Variants in MCRIP2 observed in about 807,000 individuals in gnomAD.
MCRIP2 encodes the protein MAPK regulated corepressor interacting protein 2.
A neutral mutation model predicts 23.2 loss-of-function variants in MCRIP2; 21 were observed. The observed-to-expected ratio is 0.90, with a 90% CI of 0.64 to 1.30. The LOEUF (loss-of-function observed/expected upper bound fraction) is 1.30, where lower values mean the gene tolerates loss of function less well. MCRIP2 is among the 50% of genes most tolerant of loss of function. The pLI, the probability that MCRIP2 is intolerant of heterozygous loss-of-function variation, is 0.00. For missense variants in MCRIP2, 234 were observed against 223.2 expected, an observed-to-expected ratio of 1.05 and a Z score of -0.31; for synonymous variants, 121 against 100.2, an observed-to-expected ratio of 1.21 and a Z score of -1.24.
intron 2 of MCRIP2, 136 bp downstream of exon 2, chr16:642,385 G>A (rs1304269444): frequency 1.7e-5 from 15 of 872,620 alleles, no homozygotes; most frequent in Admixed American, 5.2e-5. Context: ...CGCTCCGGGC[G>A]CGGGGGGTGC....
intron 2 of MCRIP2, chr16:643,280 G>C (rs2037396514): frequency 6.6e-6 from 1 of 152,266 alleles, no homozygotes; most frequent in Non-Finnish European, 1.5e-5. Context: ...CCCAGGGGAG[G>C]AAACCGAGGC....
At chr16:644,564 A>G (rs969593385) in intron 2 of MCRIP2, among the ~76,000 whole-genome samples, 3 of 151,648 alleles carry the variant, frequency 2.0e-5, no homozygotes, top group Admixed American at 2.0e-4. Flanking sequence ...CCACCTCTCG[A>G]CTTCCTGAGT....
In MCRIP2 at chr16:641,915, G is replaced by A; in HGVS notation, c.-77G>A. 1 of 1,221,202 alleles carries A rather than the reference G, an allele frequency of 8.2e-7. No homozygotes were observed. Among genetic ancestry groups the A allele is most frequent in the South Asian group, 3.0e-5 (1 of 33,558 alleles). The allele number at this position is 1,221,202 out of a possible 1,614,324, so 75.6% of individuals were successfully genotyped here. A position where few individuals can be genotyped will look rare whatever the true frequency, so the allele number is the denominator to read the frequency against. Reference sequence around the variant, plus strand: ...GGCCCGCCCCCTCCCCGCGGCGCCCGCAGTCCGTTAAGTGCGAGCCCCGGC... The same window carrying A: ...GGCCCGCCCCCTCCCCGCGGCGCCCACAGTCCGTTAAGTGCGAGCCCCGGC... On this transcript the variant is annotated 5_prime_UTR_variant, in exon 1 of 5. Coordinates refer to ENST00000307650, the MANE Select transcript of MCRIP2 (RefSeq NM_138418.4).
rs2037495423 is a variant in MCRIP2 at position 646,853 on chromosome 16, T to C, written c.183-564T>C. ...AGGGACTGCCCATCCCGGCACCCAG[T>C]CCTCATCCCATGGGACGTGGGGGCA... On this transcript the variant is annotated intron_variant, in intron 2 of 4. Coordinates refer to ENST00000307650, the MANE Select transcript of MCRIP2 (RefSeq NM_138418.4). The surrounding 1 kb of genome is among the most constrained non-coding windows in gnomAD (Gnocchi z 6.5). 1 of 157,252 alleles carries C rather than the reference T, an allele frequency of 6.4e-6. No individual in the cohort carries two copies. The highest frequency in any genetic ancestry group is 1.4e-5 in the Non-Finnish European group (1 of 71,010). 9.7% of individuals were successfully genotyped at this position (157,252 alleles called of 1,614,324 possible).
intron 2 of MCRIP2, among the ~76,000 whole-genome samples, chr16:643,767 C>T (rs979583122): frequency 6.6e-6 from 1 of 152,144 alleles, no homozygotes; most frequent in African/African-American, 2.4e-5. Context: ...CTCCTGACCT[C>T]ATGATCCACC....
Position 642,151 on chromosome 16 carries a change from C to A in MCRIP2, c.84C>A (p.Leu28=). The part of the protein sequence containing the change: ...GPTQQQVEGR[L]GELLKCRQPA... The stretch of plus-strand genomic sequence containing the variant: ...CGCAGCAGCAGGTGGAGGGCCGGCT[C>A]GGCGAGCTCCTGAAATGCCGGCAGC... The change falls in exon 2 of 5, where the codon CTC becomes CTA. Residue 28 remains leucine, a synonymous_variant. Coordinates refer to ENST00000307650, the MANE Select transcript of MCRIP2 (RefSeq NM_138418.4). The A allele has an allele frequency of 7.3e-7, 1 of 1,363,004 alleles. No individual in the cohort carries two copies. 84.4% of individuals were successfully genotyped at this position (1,363,004 alleles called of 1,614,324 possible).
chr16:647,626 C>A (rs1223247162), intron 3 of MCRIP2, 82 bp downstream of exon 3: 2 of 1,571,404 alleles, frequency 1.3e-6, no homozygotes, highest in Admixed American at 3.6e-5. Flanking sequence ...TTCAAGCTGA[C>A]CCACAGCCGC....
Position 648,394 on chromosome 16 carries a change from G to T in MCRIP2, c.*204G>T. The T allele has an allele frequency of 1.7e-6, 1 of 600,602 alleles. No individual in the cohort carries two copies. The allele number at this position is 600,602 out of a possible 1,614,324, so 37.2% of individuals were successfully genotyped here. Reference sequence around the variant, plus strand: ...GCCGAACCCGTCTGACCTCAGCCCTGCTCACTGTGCCCAGGGACCAGCGAC... The same window carrying T: ...GCCGAACCCGTCTGACCTCAGCCCTTCTCACTGTGCCCAGGGACCAGCGAC... On this transcript the variant is annotated 3_prime_UTR_variant, in exon 5 of 5. Coordinates refer to ENST00000307650, the MANE Select transcript of MCRIP2 (RefSeq NM_138418.4).
At position 642,258 on chromosome 16, in the gene MCRIP2, C is replaced by CGCGCGGCCCCGGCCCG; in HGVS notation, c.182+12_182+27dup. The CGCGCGGCCCCGGCCCG allele has an allele frequency of 8.5e-7, 1 of 1,176,426 alleles. No individual in the cohort carries two copies. Among genetic ancestry groups the CGCGCGGCCCCGGCCCG allele is most frequent in the Non-Finnish European group, 1.0e-6 (1 of 953,600 alleles). 72.9% of individuals were successfully genotyped at this position (1,176,426 alleles called of 1,614,324 possible). ...CCCTGGCCCCTGTCGAGGTGAGACGCGCGCGGCCCCGGCCCGGCCCGGCCC... is the reference window on the plus strand; with the variant it reads ...CCCTGGCCCCTGTCGAGGTGAGACGCGCGCGGCCCCGGCCCGGCGCGGCCCCGGCCCGGCCCGGCCC... On this transcript the variant is annotated intron_variant, in intron 2 of 4. Transcript: ENST00000307650.
chr16:648,268 G>A lies in MCRIP2; in HGVS notation c.*78G>A, dbSNP rs778833377. On this transcript the variant is annotated 3_prime_UTR_variant, in exon 5 of 5. Transcript: ENST00000307650. ...GCATGGCGCCCTGCCCACCCACTGC[G>A]CCTGGCTGGGTGCCGGCCACACCTG... The A allele has an allele frequency of 3.3e-5, 47 of 1,405,982 alleles. No homozygotes were observed. The highest frequency in any genetic ancestry group is 4.4e-5 in the Non-Finnish European group (45 of 1,019,082). 87.1% of individuals were successfully genotyped at this position (1,405,982 alleles called of 1,614,324 possible). A position where few individuals can be genotyped will look rare whatever the true frequency, so the allele number is the denominator to read the frequency against.
At position 648,364 on chromosome 16, in the gene MCRIP2, C is replaced by A; in HGVS notation, c.*174C>A. Reference sequence around the variant, plus strand: ...GCTGTCCCAACCAAGCTGCCATGGCCAAGGGCCGAACCCGTCTGACCTCAG... The same window carrying A: ...GCTGTCCCAACCAAGCTGCCATGGCAAAGGGCCGAACCCGTCTGACCTCAG... On this transcript the variant is annotated 3_prime_UTR_variant, in exon 5 of 5. Transcript: ENST00000307650. The A allele has an allele frequency of 2.9e-6, 2 of 697,918 alleles. No homozygotes were observed. The highest frequency in any genetic ancestry group is 4.9e-6 in the Non-Finnish European group (2 of 405,486). 43.2% of individuals were successfully genotyped at this position (697,918 alleles called of 1,614,324 possible). A position where few individuals can be genotyped will look rare whatever the true frequency, so the allele number is the denominator to read the frequency against.
At position 648,239 on chromosome 16, in the gene MCRIP2, A is replaced by G; in HGVS notation, c.*49A>G. The G allele has an allele frequency of 6.5e-7, 1 of 1,544,046 alleles. No homozygotes were observed. The highest frequency in any genetic ancestry group is 8.8e-7 in the Non-Finnish European group (1 of 1,133,096). On this transcript the variant is annotated 3_prime_UTR_variant, in exon 5 of 5. Transcript: ENST00000307650. ...TACACGGCCGACCTGTCGCCAGGAG[A>G]GAAGCATGGCGCCCTGCCCACCCAC...
At chr16:647,980 G>GGAA in intron 4 of MCRIP2, 96 bp downstream of exon 4, 2 of 1,181,422 alleles carry the variant, frequency 1.7e-6, no homozygotes, top group Admixed American at 4.4e-5. Flanking sequence ...GGATGAGGGA[G>GGAA]GGGACTCTTG....
At chr16:642,786 G>A (rs2037383249) in intron 2 of MCRIP2, 2 of 152,246 alleles carry the variant, frequency 1.3e-5, no homozygotes, top group Admixed American at 6.5e-5. Context: ...GAAACTCCGA[G>A]ACCACAGGAG....
chr16:642,216 T>C lies in MCRIP2; in HGVS notation c.149T>C (p.Phe50Ser). 7.9e-7 allele frequency: 1 copy of C among 1,269,808 alleles called. No homozygotes were observed. Among genetic ancestry groups the C allele is most frequent in the Non-Finnish European group, 9.9e-7 (1 of 1,008,158 alleles). The allele number at this position is 1,269,808 out of a possible 1,614,324, so 78.7% of individuals were successfully genotyped here. Residue 50 changes from phenylalanine (F) to serine (S), a missense_variant, in exon 2 of 5, where the codon TTT (phenylalanine) becomes TCT (serine). Transcript: ENST00000307650. ...TCGCAGCCCCCGCGGGCGCAGCCCT[T>C]TGCGCAGCCGCCGGGACCCTGGCCC... The part of the protein sequence containing the change: ...PTSQPPRAQP[F>S]AQPPGPWPLS...
At chr16:644,330 C>T (rs2037424338) in intron 2 of MCRIP2, among the ~76,000 whole-genome samples, 1 of 152,154 alleles carries the variant, frequency 6.6e-6, no homozygotes, top group Admixed American at 6.5e-5. Flanking sequence ...ATGCGCCCAC[C>T]TCGGCCTCCC....
At chr16:647,748 G>A in intron 3 of MCRIP2, 35 bp from the exon 4 acceptor site, 1 of 1,540,846 alleles carries the variant, frequency 6.5e-7, no homozygotes, top group Non-Finnish European at 8.8e-7. Flanking sequence ...GGGGTGCCTG[G>A]GACCTGGCTC....
intron 2 of MCRIP2, 133 bp from the exon 3 acceptor site, chr16:647,284 C>T (rs2037507197): frequency 4.5e-6 from 6 of 1,335,222 alleles, no homozygotes; most frequent in Non-Finnish European, 6.1e-6. Context: ...TGGCTGCTCT[C>T]TCTGGTTCAG....
intron 2 of MCRIP2, among the ~76,000 whole-genome samples, chr16:643,543 T>C (rs2037404132): frequency 1.4e-5 from 2 of 141,970 alleles, no homozygotes; most frequent in African/African-American, 5.2e-5. Context: ...GTTGTCTCTT[T>C]TTTTTTTTTT....
Sources: gnomAD v4.1 joint callset for allele counts (sites outside exome capture counted in the v4.1 genomes callset) on GRCh38, gnomAD v4.1.1 for gene constraint, Gnocchi (gnomAD v3.1) non-coding constraint, MANE v1.5 for transcripts, NCBI Gene and HGNC (gene_info 2026-07-23, HGNC 2026-07-21) for gene names.